The following EIF5 variants were observed in gnomAD, a reference collection of about 807,000 sequenced individuals.
The protein encoded by EIF5 is eukaryotic translation initiation factor 5.
Under a neutral mutation model 48.3 loss-of-function variants are expected in EIF5, and 10 were observed. The ratio of observed to expected loss-of-function variants is 0.21; its 90% confidence interval spans 0.13 to 0.35. EIF5 has a LOEUF of 0.35. Among genes scored for constraint, EIF5 ranks in the 10% least tolerant of loss-of-function variants. EIF5 has a pLI of 1.00. For synonymous variants in EIF5, 237 were observed against 173.1 expected, an observed-to-expected ratio of 1.37 and a Z score of -2.90; for missense variants, 397 against 533.2, an observed-to-expected ratio of 0.74 and a Z score of 2.51.
intron 6 of EIF5, 103 bp downstream of exon 6, chr14:103,337,330 C>T (rs1280272267): frequency 3.1e-6 from 3 of 959,964 alleles, no homozygotes; most frequent in African/African-American, 3.4e-5. Context: ...GGAGACTGGG[C>T]ACGGTGGCTC....
In EIF5 at chr14:103,334,555, C is replaced by T. The variant is rs1430082871; in HGVS notation, c.-251C>T. Reference sequence around the variant, plus strand: ...ATCGCGCCTCACTTCATCCCAGTCCCGGGCGAGCAGCGTTGGGTTTATGTC... The same window carrying T: ...ATCGCGCCTCACTTCATCCCAGTCCTGGGCGAGCAGCGTTGGGTTTATGTC... On this transcript the variant is annotated 5_prime_UTR_variant, in exon 2 of 12. Coordinates refer to ENST00000216554, the MANE Select transcript of EIF5 (RefSeq NM_001969.5). The T allele has an allele frequency of 1.3e-5, 2 of 152,404 alleles. No individual in the cohort carries two copies. The highest frequency in any genetic ancestry group is 6.6e-5 in the Admixed American group (1 of 15,266). The allele number at this position is 152,404 out of a possible 1,614,324, so 9.4% of individuals were successfully genotyped here. A position where few individuals can be genotyped will look rare whatever the true frequency, so the allele number is the denominator to read the frequency against.
intron 6 of EIF5, chr14:103,337,688 A>C: frequency 2.7e-6 from 1 of 376,556 alleles, no homozygotes; most frequent in Non-Finnish European, 5.2e-6. Flanking sequence ...ATTACCATTA[A>C]AGGTGAAAAA....
At chr14:103,339,831 A>G (rs1228751257) in intron 10 of EIF5, 28 bp downstream of exon 10, 32 of 1,601,644 alleles carry the variant, frequency 2.0e-5, no homozygotes, top group African/African-American at 2.7e-5. Context: ...GGGCTCTTAA[A>G]GTTCACAGGT....
chr14:103,338,233 T>C, intron 6 of EIF5, 94 bp from the exon 7 acceptor site: 2 of 1,527,644 alleles, frequency 1.3e-6, no homozygotes, highest in Admixed American at 2.1e-5. Flanking sequence ...AGGGGATCCA[T>C]AGGAAAATAA....
At chr14:103,337,850 A>G (rs1338319976) in intron 6 of EIF5, 1 of 516,732 alleles carries the variant, frequency 1.9e-6, no homozygotes, top group African/African-American at 1.9e-5. Flanking sequence ...GAATATTGCA[A>G]GCAACACTCT....
chr14:103,338,413 A>T lies in EIF5; in HGVS notation c.526A>T (p.Ser176Cys), dbSNP rs777120633. 4.4e-6 allele frequency: 7 copies of T among 1,605,350 alleles called. No homozygotes were observed. The highest frequency in any genetic ancestry group is 6.0e-6 in the Non-Finnish European group (7 of 1,175,352). ...CAAGGAAAATGGCTCCGTATCCAGC[A>T]GTGAGACACCACCACCACCACCACC... ...KDKENGSVSS[S>C]ETPPPPPPPN... Residue 176 changes from serine to cysteine, a missense_variant, in exon 7 of 12, where the codon AGT (serine) becomes TGT (cysteine). Coordinates refer to ENST00000216554, the MANE Select transcript of EIF5 (RefSeq NM_001969.5).
intron 9 of EIF5, 34 bp downstream of exon 9, chr14:103,339,367 T>G (rs771552757): frequency 1.3e-6 from 2 of 1,568,750 alleles, no homozygotes; most frequent in African/African-American, 1.4e-5. Context: ...TAAATGAGAT[T>G]ACAGTTGTGT....
intron 5 of EIF5, 109 bp downstream of exon 5, chr14:103,336,958 A>G: frequency 7.0e-7 from 1 of 1,432,806 alleles, no homozygotes; most frequent in African/African-American, 1.4e-5. Context: ...AATCAAACAC[A>G]AAACTCCAGT....
At chr14:103,340,123 TTACA>T (rs2089335889) in intron 10 of EIF5, among the ~76,000 whole-genome samples, 1 of 152,162 alleles carries the variant, frequency 6.6e-6, no homozygotes, top group African/African-American at 2.4e-5. Flanking sequence ...AGTGCTGAGG[TTACA>T]GGTGTGAGCT....
At chr14:103,338,101 C>T (rs536617634) in intron 6 of EIF5, 1 of 676,250 alleles carries the variant, frequency 1.5e-6, no homozygotes, top group Admixed American at 2.4e-5. Flanking sequence ...TTAGCAGTTA[C>T]AATACCCCTA....
intron 4 of EIF5, 191 bp downstream of exon 4, chr14:103,336,308 G>GC (rs2089285227): frequency 1.5e-6 from 1 of 667,740 alleles, no homozygotes; most frequent in Non-Finnish European, 2.5e-6. Context: ...ATGGCTGGGC[G>GC]CGTTGGCTCA....
rs1468091550 is a variant in EIF5, at chr14:103,341,507, G to A, written c.*455G>A. 2 of 156,748 alleles carry A rather than the reference G, an allele frequency of 1.3e-5. No homozygotes were observed. The highest frequency in any genetic ancestry group is 1.9e-4 in the South Asian group (1 of 5,358). The allele number at this position is 156,748 out of a possible 1,614,324, so 9.7% of individuals were successfully genotyped here. On this transcript the variant is annotated 3_prime_UTR_variant, in exon 12 of 12. Transcript: ENST00000216554. ...AAAGAGGTCCTCAACAGGATGTAAA[G>A]CAAACTTAATTGTAATTAATTTATT...
At chr14:103,338,994 A>T (rs2089321831) in intron 8 of EIF5, 101 bp downstream of exon 8, 18 of 1,504,250 alleles carry the variant, frequency 1.2e-5, no homozygotes, top group Non-Finnish European at 1.6e-5. Context: ...ACTCTAATGC[A>T]CGACTTTTTA....
rs2089355555 is a variant in EIF5, at chr14:103,341,784, G to A, written c.*732G>A. 1 of 152,712 alleles carries A rather than the reference G, an allele frequency of 6.5e-6. No individual in the cohort carries two copies. The highest frequency in any genetic ancestry group is 1.9e-4 in the East Asian group (1 of 5,192). The allele number at this position is 152,712 out of a possible 1,614,324, so 9.5% of individuals were successfully genotyped here. The stretch of plus-strand genomic sequence containing the variant: ...TGCATTGCACGTTGGATGAGCCAGG[G>A]AAATTATTACATTAACAAGCATTTT... On this transcript the variant is annotated 3_prime_UTR_variant, in exon 12 of 12. Coordinates refer to ENST00000216554, the MANE Select transcript of EIF5 (RefSeq NM_001969.5).
rs1408936056 is a variant in EIF5, at chr14:103,343,343, CTTTA to C, written c.*2295_*2298del. On this transcript the variant is annotated 3_prime_UTR_variant, in exon 12 of 12. Coordinates refer to ENST00000216554, the MANE Select transcript of EIF5 (RefSeq NM_001969.5). ...GTTGTTCATTTCATTGGGTCACTGGCTTTATTTGCTAGTCTTGTCTGTGAACTGA... is the reference window on the plus strand; with the variant it reads ...GTTGTTCATTTCATTGGGTCACTGGCTTTGCTAGTCTTGTCTGTGAACTGA... 6.6e-6 allele frequency: 1 copy of C among 152,178 alleles called. No individual in the cohort carries two copies. Among genetic ancestry groups the C allele is most frequent in the Non-Finnish European group, 1.5e-5 (1 of 68,032 alleles). 9.4% of individuals were successfully genotyped at this position (152,178 alleles called of 1,614,324 possible). A position where few individuals can be genotyped will look rare whatever the true frequency, so the allele number is the denominator to read the frequency against.
intron 8 of EIF5, 78 bp from the exon 9 acceptor site, chr14:103,339,094 A>C (rs1358229180): frequency 6.6e-7 from 1 of 1,524,406 alleles, no homozygotes; most frequent in Non-Finnish European, 8.8e-7. Context: ...TATGTTCATC[A>C]GAGCAGGGAC....
rs1323993009 is a variant in EIF5, at chr14:103,340,942, TA to T, written c.1207-17del. On this transcript the variant is annotated intron_variant, in intron 11 of 11. Coordinates refer to ENST00000216554, the MANE Select transcript of EIF5 (RefSeq NM_001969.5). ...AACAGATTTATCAGCTTATGTTGAA[TA>T]AAATCATTCCTCTTAACAGGTGGTG... The T allele has an allele frequency of 3.1e-6, 5 of 1,609,716 alleles. No individual in the cohort carries two copies. In the Admixed American group the frequency reaches 8.3e-5, roughly 27 times the overall value.
Position 103,335,917 on chromosome 14 carries a change from C to T in EIF5, c.57C>T (p.Pro19=), listed in dbSNP as rs1279102334. Reference sequence around the variant, plus strand: ...ACCAGTTCTATCGCTACAAGATGCCCCGTCTGATTGCCAAGGTAATAAACT... The same window carrying T: ...ACCAGTTCTATCGCTACAAGATGCCTCGTCTGATTGCCAAGGTAATAAACT... ...VSDQFYRYKM[P]RLIAKVEGKG... Residue 19 remains proline, a synonymous_variant, in exon 3 of 12, where the codon CCC becomes CCT. Transcript: ENST00000216554. The T allele has an allele frequency of 7.4e-6, 12 of 1,614,052 alleles. No individual in the cohort carries two copies. Among genetic ancestry groups the T allele is most frequent in the Admixed American group, 1.7e-5 (1 of 60,002 alleles).
intron 6 of EIF5, chr14:103,337,658 C>T (rs888161497): frequency 6.6e-5 from 22 of 333,942 alleles, no homozygotes; most frequent in South Asian, 3.1e-4. Context: ...TCTAAGACAT[C>T]TTTCAAAAGT....
Sources: allele counts gnomAD v4.1 joint callset (sites outside exome capture counted in the v4.1 genomes callset), GRCh38; gene constraint gnomAD v4.1.1; transcripts MANE v1.5; gene names NCBI Gene and HGNC (gene_info 2026-07-23, HGNC 2026-07-21).